Variants in CMTM5 observed in about 807,000 individuals in gnomAD.
CMTM5 encodes the protein CKLF like MARVEL transmembrane domain containing 5, also known as CKLF-like MARVEL transmembrane domain-containing protein 5.
CMTM5 carries 25 observed loss-of-function variants against 26.9 expected under a neutral mutation model. That is an observed-to-expected ratio of 0.93 (90% CI 0.68 to 1.30). The LOEUF is 1.30. Ranked by LOEUF, CMTM5 falls within the 50% of genes most tolerant of loss-of-function variation. CMTM5 has a pLI of 0.00. For missense variants in CMTM5, 292 were observed against 289.6 expected (o/e 1.01, Z -0.06); for synonymous variants, 98 against 115.5 (o/e 0.85, Z 0.97).
rs1282257820 is a variant in CMTM5, at chr14:23,377,799, C to T, written c.126+422C>T. 5.5e-6 allele frequency: 1 copy of T among 183,294 alleles called. No individual in the cohort carries two copies. The highest frequency in any genetic ancestry group is 5.7e-5 in the Admixed American group (1 of 17,656). 11.4% of individuals were successfully genotyped at this position (183,294 alleles called of 1,614,324 possible). A position where few individuals can be genotyped will look rare whatever the true frequency, so the allele number is the denominator to read the frequency against. On this transcript the variant is annotated intron_variant, in intron 1 of 5. Coordinates refer to ENST00000339180, the MANE Select transcript of CMTM5 (RefSeq NM_001288746.2). The surrounding 1 kb of genome is among the most constrained non-coding windows in gnomAD (Gnocchi z 4.6). ...TCTCTTCTCAGGAAAGGATCTTCCC[C>T]TGGTTACTTAGCAAGACCACAGTGT...
In CMTM5 at chr14:23,378,759, A is replaced by AC. The variant is rs751921758; in HGVS notation, c.377dup (p.Trp128LeufsTer32). 52 of 1,609,228 alleles carry AC rather than the reference A, an allele frequency of 3.2e-5. No homozygotes were observed. Among genetic ancestry groups the AC allele is most frequent in the East Asian group, 2.9e-4 (13 of 44,772 alleles). On this transcript the variant is annotated frameshift_variant, in exon 3 of 6. Transcript: ENST00000339180. LOFTEE classifies it high-confidence loss of function. This position sits in a 1 kb window ranked among gnomAD's most constrained non-coding sequence, Gnocchi z 4.2. ...CCAGCCCCAGCCCTGGCCTGGCTTG[A>AC]CCCCCCCGGGCTGGCATACTCCAGC...
In CMTM5 at chr14:23,377,552, C is replaced by A; in HGVS notation, c.126+175C>A. The stretch of plus-strand genomic sequence containing the variant: ...CCTACTCTGCCTTCTTGCTGCCTCT[C>A]CACCCGGAGACATTTACAGCAGGTT... On this transcript the variant is annotated intron_variant, in intron 1 of 5. Transcript: ENST00000339180. The surrounding 1 kb of genome is among the most constrained non-coding windows in gnomAD (Gnocchi z 4.6). 1.6e-6 allele frequency: 1 copy of A among 629,084 alleles called. No individual in the cohort carries two copies. Among genetic ancestry groups the A allele is most frequent in the Non-Finnish European group, 2.5e-6 (1 of 398,232 alleles). The allele number at this position is 629,084 out of a possible 1,614,324, so 39.0% of individuals were successfully genotyped here. A position where few individuals can be genotyped will look rare whatever the true frequency, so the allele number is the denominator to read the frequency against.
intron 5 of CMTM5, 29 bp downstream of exon 5, chr14:23,379,412 A>C (rs1458346910): frequency 6.2e-7 from 1 of 1,613,782 alleles, no homozygotes; most frequent in Admixed American, 1.7e-5. Flanking sequence ...TGGAGAGGAG[A>C]TGCCCTCCCC....
chr14:23,377,199 T>G lies in CMTM5; in HGVS notation c.-53T>G. Reference sequence around the variant, plus strand: ...TTTCCCCATCCTGCCAGATTTCTGTTTCTCTTGCTGGGCTTTTGGCAGTAG... The same window carrying G: ...TTTCCCCATCCTGCCAGATTTCTGTGTCTCTTGCTGGGCTTTTGGCAGTAG... On this transcript the variant is annotated 5_prime_UTR_variant, in exon 1 of 6. Transcript: ENST00000339180. The surrounding 1 kb of genome is among the most constrained non-coding windows in gnomAD (Gnocchi z 4.6). The G allele has an allele frequency of 6.3e-7, 1 of 1,596,382 alleles. No homozygotes were observed. The highest frequency in any genetic ancestry group is 8.5e-7 in the Non-Finnish European group (1 of 1,173,250).
rs1008641938 is a variant in CMTM5 at position 23,378,838 on chromosome 14, G to A, written c.449G>A (p.Trp150Ter). ...CCTGGCTTCTGGTCCTGGTTGCTCT[G>A]GTTCATCTGCTTCCACTCCCTGGGT... ...PAPGFWSWLL[W>*]FICFHSLGSS... Residue 150 changes from tryptophan (W) to a stop codon, truncating the protein, a stop_gained, in exon 3 of 6, where the codon TGG becomes TAG. Coordinates refer to ENST00000339180, the MANE Select transcript of CMTM5 (RefSeq NM_001288746.2). LOFTEE classifies it high-confidence loss of function. The surrounding 1 kb of genome is among the most constrained non-coding windows in gnomAD (Gnocchi z 4.2). The A allele has an allele frequency of 6.2e-6, 10 of 1,612,838 alleles. No individual in the cohort carries two copies. The African/African-American group carries it at 1.3e-4, about 22-fold the overall frequency.
chr14:23,377,525 C>T lies in CMTM5; in HGVS notation c.126+148C>T. Reference sequence around the variant, plus strand: ...CTGCCCGCAGCTGCCCCTTCTTCGTCTCCTACTCTGCCTTCTTGCTGCCTC... The same window carrying T: ...CTGCCCGCAGCTGCCCCTTCTTCGTTTCCTACTCTGCCTTCTTGCTGCCTC... On this transcript the variant is annotated intron_variant, in intron 1 of 5. Coordinates refer to ENST00000339180, the MANE Select transcript of CMTM5 (RefSeq NM_001288746.2). This position sits in a 1 kb window ranked among gnomAD's most constrained non-coding sequence, Gnocchi z 4.6. 2.4e-6 allele frequency: 2 copies of T among 843,812 alleles called. No individual in the cohort carries two copies. The highest frequency in any genetic ancestry group is 3.8e-4 in the Middle Eastern group (1 of 2,650). 52.3% of individuals were successfully genotyped at this position (843,812 alleles called of 1,614,324 possible). A position where few individuals can be genotyped will look rare whatever the true frequency, so the allele number is the denominator to read the frequency against.
At position 23,378,540 on chromosome 14, in the gene CMTM5, C is replaced by T; in HGVS notation, c.279+39C>T. 1 of 1,613,236 alleles carries T rather than the reference C, an allele frequency of 6.2e-7. No homozygotes were observed. Among genetic ancestry groups the T allele is most frequent in the Non-Finnish European group, 8.5e-7 (1 of 1,179,352 alleles). The stretch of plus-strand genomic sequence containing the variant: ...ACCCCTAGCCCAGTTTGGGGCCCTT[C>T]CCTCTCCTCTAAATGATGCATTTTC... On this transcript the variant is annotated intron_variant, in intron 2 of 5. Transcript: ENST00000339180. The surrounding 1 kb of genome is among the most constrained non-coding windows in gnomAD (Gnocchi z 4.2).
In CMTM5 at chr14:23,378,616, C is replaced by T. The variant is rs1245329430; in HGVS notation, c.280-53C>T. 1 of 1,608,904 alleles carries T rather than the reference C, an allele frequency of 6.2e-7. No individual in the cohort carries two copies. Among genetic ancestry groups the T allele is most frequent in the Admixed American group, 1.7e-5 (1 of 59,944 alleles). On this transcript the variant is annotated intron_variant, in intron 2 of 5. Coordinates refer to ENST00000339180, the MANE Select transcript of CMTM5 (RefSeq NM_001288746.2). The surrounding 1 kb of genome is among the most constrained non-coding windows in gnomAD (Gnocchi z 4.2). ...TTCCACACCACAGCTGGGCTTTGTCCCATGCTATGCCCTGCACTCAAAGGT... is the reference window on the plus strand; with the variant it reads ...TTCCACACCACAGCTGGGCTTTGTCTCATGCTATGCCCTGCACTCAAAGGT...
Position 23,378,740 on chromosome 14 carries a change from C to T in CMTM5, c.351C>T (p.Pro117=). The change falls in exon 3 of 6, where the codon CCC becomes CCT. Residue 117 remains proline, a synonymous_variant. Coordinates refer to ENST00000339180, the MANE Select transcript of CMTM5 (RefSeq NM_001288746.2). The surrounding 1 kb of genome is among the most constrained non-coding windows in gnomAD (Gnocchi z 4.2). The stretch of plus-strand genomic sequence containing the variant: ...TCTCCCACTCAGCAAAGGTCCAGCC[C>T]CAGCCCTGGCCTGGCTTGACCCCCC... ...DLLSHSAKVQ[P]QPWPGLTPPG... The T allele has an allele frequency of 6.2e-7, 1 of 1,612,526 alleles. No homozygotes were observed.
At chr14:23,376,839 C>T (rs1043215024), upstream of CMTM5, 2 of 180,364 alleles carry the variant, frequency 1.1e-5, no homozygotes, top group African/African-American at 4.7e-5. Flanking sequence ...TGTCTTCAGG[C>T]TTAGGTCCCT....
In CMTM5 at chr14:23,378,057, C is replaced by T. The variant is rs1432814366; in HGVS notation, c.127-292C>T. ...ACAACTCCAGGGGCTGGCATTCACA[C>T]TGTACCTATGAATTACTGTGGGATA... is the stretch of plus-strand genomic sequence containing the variant. On this transcript the variant is annotated intron_variant, in intron 1 of 5. Transcript: ENST00000339180. This position sits in a 1 kb window ranked among gnomAD's most constrained non-coding sequence, Gnocchi z 4.2. 2.3e-6 allele frequency: 1 copy of T among 444,336 alleles called. No homozygotes were observed. The highest frequency in any genetic ancestry group is 4.0e-6 in the Non-Finnish European group (1 of 247,008). 27.5% of individuals were successfully genotyped at this position (444,336 alleles called of 1,614,324 possible). A position where few individuals can be genotyped will look rare whatever the true frequency, so the allele number is the denominator to read the frequency against.
rs1443284977 is a variant in CMTM5 at position 23,377,417 on chromosome 14, AC to A, written c.126+45del. 2 of 1,509,142 alleles carry A rather than the reference AC, an allele frequency of 1.3e-6. No individual in the cohort carries two copies. Among genetic ancestry groups the A allele is most frequent in the Non-Finnish European group, 8.9e-7 (1 of 1,127,958 alleles). The allele number at this position is 1,509,142 out of a possible 1,614,324, so 93.5% of individuals were successfully genotyped here. A position where few individuals can be genotyped will look rare whatever the true frequency, so the allele number is the denominator to read the frequency against. On this transcript the variant is annotated intron_variant, in intron 1 of 5. Transcript: ENST00000339180. This position sits in a 1 kb window ranked among gnomAD's most constrained non-coding sequence, Gnocchi z 4.6. The stretch of plus-strand genomic sequence containing the variant: ...CCAACCTGGTGCCTCCATCTCCCTG[AC>A]CCCCGGCTCCTGGCCAGCCTTATGC...
Position 23,378,794 on chromosome 14 carries a change from C to A in CMTM5, c.405C>A (p.Pro135=), listed in dbSNP as rs1387418176. 1 of 1,612,616 alleles carries A rather than the reference C, an allele frequency of 6.2e-7. No individual in the cohort carries two copies. Among genetic ancestry groups the A allele is most frequent in the East Asian group, 2.2e-5 (1 of 44,880 alleles). ...GCTGGCATACTCCAGCCGCTGTCCC[C>A]TGGGTTCCAGCCCCAGCGCCTGGCT... is the stretch of plus-strand genomic sequence containing the variant. ...PPGWHTPAAV[P]WVPAPAPGFW... is the part of the protein sequence containing the mutation. Residue 135 remains proline, a synonymous_variant, in exon 3 of 6, where the codon CCC becomes CCA. Transcript: ENST00000339180. The surrounding 1 kb of genome is among the most constrained non-coding windows in gnomAD (Gnocchi z 4.2).
Position 23,379,062 on chromosome 14 carries a change from T to C in CMTM5, c.512T>C (p.Ile171Thr). ...CTGCGCTGTGTCAGTGCCATCATCA[T>C]CTTCCTGGTGGTCTCCTTTGCAGCT... ...DFLRCVSAII[I>T]FLVVSFAAVT... Residue 171 changes from isoleucine to threonine, a missense_variant, in exon 4 of 6, where the codon ATC becomes ACC. By Grantham distance (89) the Ile-to-Thr change is moderately conservative. Coordinates refer to ENST00000339180, the MANE Select transcript of CMTM5 (RefSeq NM_001288746.2). 1 of 1,614,098 alleles carries C rather than the reference T, an allele frequency of 6.2e-7. No homozygotes were observed. Among genetic ancestry groups the C allele is most frequent in the Non-Finnish European group, 8.5e-7 (1 of 1,180,012 alleles).
rs1013780936 is a variant in CMTM5, at chr14:23,378,256, C to T, written c.127-93C>T. On this transcript the variant is annotated intron_variant, in intron 1 of 5. Coordinates refer to ENST00000339180, the MANE Select transcript of CMTM5 (RefSeq NM_001288746.2). This position sits in a 1 kb window ranked among gnomAD's most constrained non-coding sequence, Gnocchi z 4.2. Reference sequence around the variant, plus strand: ...CCCCTCCAAGGACAGGTAGTAGGTGCCAGCCTAGGGGAGCTTCCAAGGAGG... The same window carrying T: ...CCCCTCCAAGGACAGGTAGTAGGTGTCAGCCTAGGGGAGCTTCCAAGGAGG... The T allele has an allele frequency of 5.7e-6, 8 of 1,411,548 alleles. No individual in the cohort carries two copies. In the African/African-American group the frequency reaches 1.1e-4, roughly 20 times the overall value. 87.4% of individuals were successfully genotyped at this position (1,411,548 alleles called of 1,614,324 possible).
chr14:23,378,077 G>T lies in CMTM5; in HGVS notation c.127-272G>T. ...TCACACTGTACCTATGAATTACTGT[G>T]GGATAGTGCTCCTGGGAGCCATATG... On this transcript the variant is annotated intron_variant, in intron 1 of 5. Coordinates refer to ENST00000339180, the MANE Select transcript of CMTM5 (RefSeq NM_001288746.2). This position sits in a 1 kb window ranked among gnomAD's most constrained non-coding sequence, Gnocchi z 4.2. The T allele has an allele frequency of 1.9e-6, 1 of 516,758 alleles. No homozygotes were observed. Among genetic ancestry groups the T allele is most frequent in the African/African-American group, 1.9e-5 (1 of 52,030 alleles). 32.0% of individuals were successfully genotyped at this position (516,758 alleles called of 1,614,324 possible). A position where few individuals can be genotyped will look rare whatever the true frequency, so the allele number is the denominator to read the frequency against.
At position 23,379,299 on chromosome 14, in the gene CMTM5, G is replaced by T. The variant is rs1427598762; in HGVS notation, c.574G>T (p.Val192Phe). 6.2e-7 allele frequency: 1 copy of T among 1,614,052 alleles called. No individual in the cohort carries two copies. The highest frequency in any genetic ancestry group is 8.5e-7 in the Non-Finnish European group (1 of 1,180,000). ...SRDGAAIAAF[V>F]FGIILVSIFA... ...GCCATCCCCACTCCCACTCCCACAG[G>T]TTTTTGGCATCATCCTGGTTTCCAT... Residue 192 changes from valine to phenylalanine, a missense_variant and splice_region_variant, in exon 5 of 6, where the codon GTT becomes TTT. Physicochemically the swap from Val to Phe is conservative, Grantham distance 50. Coordinates refer to ENST00000339180, the MANE Select transcript of CMTM5 (RefSeq NM_001288746.2).
upstream of CMTM5, chr14:23,376,995 C>G: frequency 2.0e-6 from 1 of 501,132 alleles, no homozygotes; most frequent in South Asian, 2.7e-5. Context: ...TCCTTCCTCT[C>G]TGCCCCTCCC....
In CMTM5 at chr14:23,378,413, T is replaced by A. The variant is rs757165093; in HGVS notation, c.191T>A (p.Leu64Gln). The A allele has an allele frequency of 1.2e-6, 2 of 1,614,120 alleles. No homozygotes were observed. Among genetic ancestry groups the A allele is most frequent in the South Asian group, 2.2e-5 (2 of 91,086 alleles). The stretch of plus-strand genomic sequence containing the variant: ...ATCTCTGCCTACATGGCCGCGGCGC[T>A]ACTGGAGTTCTTCATCACACTTGCC... ...ASISAYMAAA[L>Q]LEFFITLAFL... The change falls in exon 2 of 6, where the codon CTA becomes CAA. Residue 64 changes from leucine (L) to glutamine (Q), a missense_variant. Leu to Gln is a moderately radical substitution (Grantham distance 113, BLOSUM62 -2). Coordinates refer to ENST00000339180, the MANE Select transcript of CMTM5 (RefSeq NM_001288746.2). The surrounding 1 kb of genome is among the most constrained non-coding windows in gnomAD (Gnocchi z 4.2).
Sources: allele counts gnomAD v4.1 joint callset, GRCh38; gene constraint gnomAD v4.1.1; non-coding constraint Gnocchi (gnomAD v3.1); transcripts MANE v1.5; gene names NCBI Gene and HGNC (gene_info 2026-07-23, HGNC 2026-07-21).